CCDC191: variants seen among roughly 807,000 people sequenced by gnomAD.
The protein encoded by CCDC191 is coiled-coil domain containing 191, also known as coiled-coil domain-containing protein 191.
CCDC191 carries 99 observed loss-of-function variants against 114.0 expected under a neutral mutation model. That is an observed-to-expected ratio of 0.87 (90% CI 0.74 to 1.03). The LOEUF is 1.03. Ranked by LOEUF, CCDC191 falls within the 50% of genes least tolerant of loss-of-function variation. The pLI, the probability that CCDC191 is intolerant of heterozygous loss-of-function variation, is 0.00. For synonymous variants in CCDC191, 351 were observed against 376.0 expected (o/e 0.93, Z 0.77); for missense variants, 973 against 1,087.0 (o/e 0.90, Z 1.47).
chr3:114,056,027 A>AG (rs1158178019), intron 1 of CCDC191, among the ~76,000 whole-genome samples: 11 of 151,970 alleles, frequency 7.2e-5, no homozygotes, highest in South Asian at 4.1e-4. Flanking sequence ...AAAAAAAAAA[A>AG]AGAGAGAGAA....
intron 7 of CCDC191, among the ~76,000 whole-genome samples, chr3:114,027,717 CT>C (rs1229196104): frequency 6.6e-6 from 1 of 152,082 alleles, no homozygotes; most frequent in African/African-American, 2.4e-5. Context: ...TAAAGTCTTC[CT>C]GCAAATACTC....
intron 8 of CCDC191, among the ~76,000 whole-genome samples, chr3:114,012,014 T>C (rs1577412545): frequency 6.6e-6 from 1 of 152,240 alleles, no homozygotes; most frequent in South Asian, 2.1e-4. Context: ...GTGACTCATA[T>C]AAGTTCTCCA....
At chr3:114,037,253 C>T (rs2107737850) in intron 4 of CCDC191, among the ~76,000 whole-genome samples, 1 of 152,256 alleles carries the variant, frequency 6.6e-6, no homozygotes, top group African/African-American at 2.4e-5. Flanking sequence ...TATCCATCAG[C>T]CCCAAAAGGG....
chr3:114,004,023 C>T, intron 11 of CCDC191: 3 of 975,878 alleles, frequency 3.1e-6, no homozygotes, highest in Non-Finnish European at 3.7e-6. Context: ...AATCCCAACA[C>T]CTAGGGATGT....
chr3:113,985,667 C>T (rs1360485738), intron 13 of CCDC191, among the ~76,000 whole-genome samples: 1 of 152,108 alleles, frequency 6.6e-6, no homozygotes, highest in African/African-American at 2.4e-5. Flanking sequence ...AAGCTGTAAA[C>T]AACAGATTCT....
chr3:114,040,817 A>G (rs905503093), intron 4 of CCDC191, among the ~76,000 whole-genome samples: 3 of 152,036 alleles, frequency 2.0e-5, no homozygotes, highest in Non-Finnish European at 2.9e-5. Context: ...TCATTTTGGT[A>G]TTTGTTTTCT....
chr3:114,029,769 A>T (rs964914773), intron 7 of CCDC191, among the ~76,000 whole-genome samples: 1 of 152,264 alleles, frequency 6.6e-6, no homozygotes, highest in Non-Finnish European at 1.5e-5. Flanking sequence ...CTTACCAAAA[A>T]TGCATAACCT....
chr3:113,982,911 A>G (rs1163234509), intron 13 of CCDC191, among the ~76,000 whole-genome samples: 1 of 151,910 alleles, frequency 6.6e-6, no homozygotes, highest in African/African-American at 2.4e-5. Context: ...ACTAGAGACC[A>G]TGAGTATAGA....
At position 114,056,370 on chromosome 3, in the gene CCDC191, G is replaced by C. The variant is rs758072244; in HGVS notation, c.90+7C>G. ...CCCCGCCCTCCAAAGCTCTCGATTG[G>C]GATCACCTTGGGACTCGGCTTCCTT... is the stretch of plus-strand genomic sequence containing the variant. On this transcript the variant is annotated splice_region_variant and intron_variant, in intron 1 of 16. Transcript: ENST00000295878. 1.9e-6 allele frequency: 3 copies of C among 1,613,916 alleles called. 1 individual carries two copies. Among genetic ancestry groups the C allele is most frequent in the Non-Finnish European group, 2.5e-6 (3 of 1,179,838 alleles).
At chr3:114,050,359 A>G (rs2076683917) in intron 2 of CCDC191, among the ~76,000 whole-genome samples, 1 of 152,262 alleles carries the variant, frequency 6.6e-6, no homozygotes, top group Non-Finnish European at 1.5e-5. Context: ...TATAATAAAT[A>G]GTTCTGTGAG....
intron 4 of CCDC191, among the ~76,000 whole-genome samples, chr3:114,040,882 A>G (rs896681037): frequency 1.1e-4 from 16 of 152,264 alleles, no homozygotes; most frequent in Non-Finnish European, 2.2e-4. Flanking sequence ...TTGCATTACT[A>G]GTTTGCTGAG....
intron 4 of CCDC191, 85 bp from the exon 5 acceptor site, chr3:114,036,871 G>T: frequency 2.3e-6 from 2 of 881,954 alleles, no homozygotes; most frequent in Non-Finnish European, 1.6e-6. Flanking sequence ...AAGAATCCTA[G>T]TACAATAAAA....
chr3:114,027,601 CAA>C (rs67548547), intron 7 of CCDC191, among the ~76,000 whole-genome samples: 5 of 60,124 alleles, frequency 8.3e-5, no homozygotes, highest in Non-Finnish European at 1.3e-4. Flanking sequence ...GACTCTGTCT[CAA>C]AAAAAAAAAA....
At chr3:113,994,641 T>TAGCA (rs2075669878) in intron 13 of CCDC191, among the ~76,000 whole-genome samples, 1 of 150,750 alleles carries the variant, frequency 6.6e-6, no homozygotes, top group African/African-American at 2.4e-5. Flanking sequence ...TGGAGTGCAG[T>TAGCA]AGCAAAATAA....
chr3:114,003,134 T>C (rs926471470), intron 11 of CCDC191: 1 of 985,432 alleles, frequency 1.0e-6, no homozygotes, highest in African/African-American at 1.7e-5. Context: ...TGAATGAATT[T>C]GAGTGTCAGA....
chr3:114,035,202 TG>T, intron 5 of CCDC191, 54 bp from the exon 6 acceptor site: 1 of 1,303,498 alleles, frequency 7.7e-7, no homozygotes, highest in South Asian at 1.2e-5. Context: ...GAAAGGGATA[TG>T]AAAAGCCTTA....
chr3:114,000,052 T>C (rs1454004875), intron 13 of CCDC191, among the ~76,000 whole-genome samples: 1 of 152,100 alleles, frequency 6.6e-6, no homozygotes, highest in East Asian at 1.9e-4. Context: ...ATGGGTGCCA[T>C]GTTGACAAGG....
At position 113,964,776 on chromosome 3, in the gene CCDC191, CCT is replaced by C. The variant is rs548508991; in HGVS notation, c.*377_*378del. ...CGCCCTTCCTTTCCGAGCACTCACCCCTGTTTATTTCTGTTTCATTAAGGTCA... is the reference window on the plus strand; with the variant it reads ...CGCCCTTCCTTTCCGAGCACTCACCCGTTTATTTCTGTTTCATTAAGGTCA... On this transcript the variant is annotated 3_prime_UTR_variant, in exon 17 of 17. Coordinates refer to ENST00000295878, the MANE Select transcript of CCDC191 (RefSeq NM_020817.2). 15 of 153,832 alleles carry C rather than the reference CCT, an allele frequency of 9.8e-5. No homozygotes were observed. Among genetic ancestry groups the C allele is most frequent in the East Asian group, 7.6e-4 (4 of 5,242 alleles). 9.5% of individuals were successfully genotyped at this position (153,832 alleles called of 1,614,324 possible). A position where few individuals can be genotyped will look rare whatever the true frequency, so the allele number is the denominator to read the frequency against.
At chr3:114,008,912 T>C (rs567293337) in intron 9 of CCDC191, among the ~76,000 whole-genome samples, 1 of 152,226 alleles carries the variant, frequency 6.6e-6, no homozygotes, top group South Asian at 2.1e-4. Context: ...TAGAGTGTAC[T>C]TACACAAACC....
Sources: gnomAD v4.1 joint callset for allele counts (sites outside exome capture counted in the v4.1 genomes callset) on GRCh38, gnomAD v4.1.1 for gene constraint, MANE v1.5 for transcripts, NCBI Gene and HGNC (gene_info 2026-07-23, HGNC 2026-07-21) for gene names.